ZNF112: variants seen among roughly 807,000 people sequenced by gnomAD.
The protein encoded by ZNF112 is zinc finger protein 112.
In ZNF112, 37 loss-of-function variants were observed where a neutral mutation model predicts 77.7. The observed-to-expected ratio is 0.48, with a 90% CI of 0.37 to 0.63. The LOEUF (loss-of-function observed/expected upper bound fraction) is 0.63. ZNF112 is among the 20% of genes least tolerant of loss of function. The probability of loss-of-function intolerance (pLI) is 0.00; values close to 1 mark genes in which losing one functional copy is unlikely to be tolerated. For synonymous variants in ZNF112, 333 were observed against 363.6 expected (o/e 0.92, Z 0.96); for missense variants, 950 against 1,077.4 (o/e 0.88, Z 1.66).
chr19:44,363,943 C>T (rs137999082), intron 1 of ZNF112, among the ~76,000 whole-genome samples: 1 of 152,226 alleles, frequency 6.6e-6, no homozygotes, highest in East Asian at 1.9e-4. Flanking sequence ...GAGTTTCACT[C>T]TTGTCATGCA....
chr19:44,327,578 C>G lies in ZNF112; in HGVS notation c.2579G>C (p.Cys860Ser). 1 of 1,614,106 alleles carries G rather than the reference C, an allele frequency of 6.2e-7. No homozygotes were observed. Among genetic ancestry groups the G allele is most frequent in the Non-Finnish European group, 8.5e-7 (1 of 1,179,974 alleles). Residue 860 changes from cysteine (C) to serine (S), a missense_variant, in exon 4 of 4, where the codon TGT becomes TCT. Physicochemically the swap from Cys to Ser is moderately radical, Grantham distance 112. This residue lies in a region of ZNF112 where 373 missense variants were observed against 482.8 expected (regional missense o/e 0.77). Transcript: ENST00000354340. Reference protein sequence around the residue: ...TGEKPYKCDACGKGFRWSSGL... With the variant: ...TGEKPYKCDASGKGFRWSSGL... ...TGAGCTCCAACGGAAACCCTTACCA[C>G]ATGCATCACATTTGTATGGTTTCTC...
intron 3 of ZNF112, among the ~76,000 whole-genome samples, chr19:44,336,122 TC>T (rs936119494): frequency 4.6e-5 from 7 of 152,222 alleles, no homozygotes; most frequent in African/African-American, 1.7e-4. Context: ...GATTGGCTAT[TC>T]TTATCTTTTA....
chr19:44,355,537 G>C (rs1330538778), intron 1 of ZNF112, among the ~76,000 whole-genome samples: 2 of 152,150 alleles, frequency 1.3e-5, no homozygotes, highest in South Asian at 4.1e-4. Context: ...AACACATCAA[G>C]AACTAAGGCA....
chr19:44,341,185 C>T, intron 1 of ZNF112: 1 of 456,626 alleles, frequency 2.2e-6, no homozygotes, highest in Non-Finnish European at 4.4e-6. Flanking sequence ...AGTAAGTACC[C>T]AACAAATGTT....
chr19:44,334,310 G>A (rs1352949649), intron 3 of ZNF112, among the ~76,000 whole-genome samples: 1 of 152,166 alleles, frequency 6.6e-6, no homozygotes. Context: ...AACAGCATAT[G>A]CTCATATTTA....
At chr19:44,356,159 CCTT>C (rs1970782839) in intron 1 of ZNF112, among the ~76,000 whole-genome samples, 2 of 152,174 alleles carry the variant, frequency 1.3e-5, no homozygotes, top group Non-Finnish European at 1.5e-5. Context: ...GGAACTGAGT[CCTT>C]CTCAGAAAAT....
rs138613874 is a variant in ZNF112 at position 44,332,326 on chromosome 19, C to A, written c.221-2390G>T. On this transcript the variant is annotated intron_variant, in intron 3 of 3. Coordinates refer to ENST00000354340, the MANE Select transcript of ZNF112 (RefSeq NM_013380.4). Reference sequence around the variant, plus strand: ...TCTGTATCACTAGGCTCTGGGGCAGCACACTGATTGTGGGATAACACTTCA... The same window carrying A: ...TCTGTATCACTAGGCTCTGGGGCAGAACACTGATTGTGGGATAACACTTCA... 8.4e-4 allele frequency among the ~76,000 whole-genome samples: 128 copies of A among 152,304 alleles called. 1 individual carries two copies. Among genetic ancestry groups the A allele is most frequent in the African/African-American group, 2.9e-3 (122 of 41,566 alleles).
At chr19:44,361,776 C>T (rs1393528119) in intron 1 of ZNF112, among the ~76,000 whole-genome samples, 1 of 152,086 alleles carries the variant, frequency 6.6e-6, no homozygotes, top group Non-Finnish European at 1.5e-5. Context: ...TAATGTAAAC[C>T]ACAGACTTTA....
rs1970182549 is a variant in ZNF112, at chr19:44,328,499, T to C, written c.1658A>G (p.Asp553Gly). 1 of 1,597,126 alleles carries C rather than the reference T, an allele frequency of 6.3e-7. No individual in the cohort carries two copies. ...ATATGAACTCCGACTGAATCCCTTA[T>C]CACATTCCTCGCATTTATAAGGTTT... ...GEKPYKCEEC[D>G]KGFSRSSYLQ... The change falls in exon 4 of 4, where the codon GAT (aspartate) becomes GGT (glycine). Residue 553 changes from aspartate to glycine, a missense_variant. Coordinates refer to ENST00000354340, the MANE Select transcript of ZNF112 (RefSeq NM_013380.4).
chr19:44,336,639 TG>T lies in ZNF112; in HGVS notation c.203del (p.Pro68GlnfsTer20). On this transcript the variant is annotated frameshift_variant, in exon 3 of 4. Transcript: ENST00000354340. LOFTEE classifies it high-confidence loss of function. ...EKLLMVETET[P>X]RDGCSGRKNQ... is the part of the protein sequence containing the mutation. ...AGTTCTCACCTGAACATCCATCTCTTGGGGTTTCTGTCTCCACCATCAAAAG... is the reference window on the plus strand; with the variant it reads ...AGTTCTCACCTGAACATCCATCTCTTGGGTTTCTGTCTCCACCATCAAAAG... 6.2e-7 allele frequency: 1 copy of T among 1,613,888 alleles called. No individual in the cohort carries two copies. The highest frequency in any genetic ancestry group is 1.1e-5 in the South Asian group (1 of 91,072).
At chr19:44,366,339 T>C (rs1970904123) in intron 1 of ZNF112, among the ~76,000 whole-genome samples, 1 of 152,208 alleles carries the variant, frequency 6.6e-6, no homozygotes, top group Non-Finnish European at 1.5e-5. Flanking sequence ...GCTCCTTTTT[T>C]TTCCAGTATA....
rs1350608558 is a variant in ZNF112 at position 44,328,872 on chromosome 19, T to C, written c.1285A>G (p.Arg429Gly). The C allele has an allele frequency of 6.2e-7, 1 of 1,614,030 alleles. No individual in the cohort carries two copies. Among genetic ancestry groups the C allele is most frequent in the Admixed American group, 1.7e-5 (1 of 59,990 alleles). The change falls in exon 4 of 4, where the codon AGG (arginine) becomes GGG (glycine). Residue 429 changes from arginine (R) to glycine (G), a missense_variant. By Grantham distance (125) the Arg-to-Gly change is moderately radical. Around this residue, in one of 3 missense-constraint regions of ZNF112, gnomAD observed 560 missense variants for 557.3 expected, o/e 1.00. Transcript: ENST00000354340. The stretch of plus-strand genomic sequence containing the variant: ...TATGAATTCTCTTCCATATGAACCC[T>C]ATGCTGAATGTCAAGATTTGAACTA... Reference protein sequence around the residue: ...ICSSNLDIQHRVHMEENSYNS... With the variant: ...ICSSNLDIQHGVHMEENSYNS...
intron 1 of ZNF112, among the ~76,000 whole-genome samples, chr19:44,352,025 AT>A (rs1272670344): frequency 1.3e-5 from 2 of 152,072 alleles, no homozygotes; most frequent in Non-Finnish European, 2.9e-5. Context: ...ACGTGATGTT[AT>A]GGAAAAGGCA....
chr19:44,343,197 T>C, intron 1 of ZNF112: 1 of 1,596,350 alleles, frequency 6.3e-7, no homozygotes, highest in Non-Finnish European at 8.6e-7. Flanking sequence ...AAAAGATATG[T>C]CCACTCACTG....
At position 44,327,824 on chromosome 19, in the gene ZNF112, T is replaced by C; in HGVS notation, c.2333A>G (p.Lys778Arg). The change falls in exon 4 of 4, where the codon AAG becomes AGG. Residue 778 changes from lysine to arginine, a missense_variant. Lys to Arg is a conservative substitution (Grantham distance 26). Transcript: ENST00000354340. ...AAGGCGTGAACTCTCACTGAAACCC[T>C]TTGTACACACCTCACATTTGTATGG... is the stretch of plus-strand genomic sequence containing the variant. The part of the protein sequence containing the change: ...GKPYKCEVCT[K>R]GFSESSRLQA... The C allele has an allele frequency of 6.2e-7, 1 of 1,614,020 alleles. No homozygotes were observed. The highest frequency in any genetic ancestry group is 8.5e-7 in the Non-Finnish European group (1 of 1,179,898).
chr19:44,357,679 A>T (rs1970807461), upstream of ZNF112, among the ~76,000 whole-genome samples: 1 of 152,182 alleles, frequency 6.6e-6, no homozygotes, highest in African/African-American at 2.4e-5. Context: ...TCATAAGGCA[A>T]ATAGAAGGGC....
intron 1 of ZNF112, among the ~76,000 whole-genome samples, chr19:44,341,928 A>C (rs1039070330): frequency 2.0e-5 from 3 of 152,196 alleles, no homozygotes; most frequent in African/African-American, 7.2e-5. Flanking sequence ...CTTTCCACGC[A>C]AGTGATATGC....
rs772801922 is a variant in ZNF112 at position 44,327,679 on chromosome 19, T to C, written c.2478A>G (p.Pro826=). The C allele has an allele frequency of 1.2e-6, 2 of 1,613,858 alleles. No individual in the cohort carries two copies. The highest frequency in any genetic ancestry group is 1.1e-5 in the South Asian group (1 of 91,048). The change falls in exon 4 of 4, where the codon CCA becomes CCG. Residue 826 remains proline (P), a synonymous_variant. Coordinates refer to ENST00000354340, the MANE Select transcript of ZNF112 (RefSeq NM_013380.4). The stretch of plus-strand genomic sequence containing the variant: ...CCTTTCCACATACCTCACATTTGTA[T>C]GGTTTCTCTCCTGTGTGGACTCTGT... ...AHHRVHTGEK[P]YKCEVCGKGF... is the part of the protein sequence containing the mutation.
chr19:44,327,849 G>T lies in ZNF112; in HGVS notation c.2308C>A (p.Pro770Thr). The change falls in exon 4 of 4, where the codon CCA becomes ACA. Residue 770 changes from proline (P) to threonine (T), a missense_variant. By Grantham distance (38) the Pro-to-Thr change is conservative. Coordinates refer to ENST00000354340, the MANE Select transcript of ZNF112 (RefSeq NM_013380.4). Reference protein sequence around the residue: ...AHRRVHTGGKPYKCEVCTKGF... With the variant: ...AHRRVHTGGKTYKCEVCTKGF... ...TTTGTACACACCTCACATTTGTATG[G>T]TTTCCCTCCTGTGTGAACCCTCCGA... 6.2e-7 allele frequency: 1 copy of T among 1,613,946 alleles called. No individual in the cohort carries two copies. The highest frequency in any genetic ancestry group is 8.5e-7 in the Non-Finnish European group (1 of 1,179,904).
Sources: allele counts gnomAD v4.1 joint callset (sites outside exome capture counted in the v4.1 genomes callset), GRCh38; gene constraint gnomAD v4.1.1; regional missense constraint gnomAD v4.1.1; transcripts MANE v1.5; gene names NCBI Gene and HGNC (gene_info 2026-07-23, HGNC 2026-07-21).